The following LCOR variants were observed in gnomAD, a reference collection of about 807,000 sequenced individuals.
LCOR encodes ligand-dependent corepressor.
Under a neutral mutation model 64.4 loss-of-function variants are expected in LCOR, and 14 were observed. The ratio of observed to expected loss-of-function variants is 0.22; its 90% CI spans 0.14 to 0.34. The LOEUF is 0.34. LCOR is among the 10% of genes least tolerant of loss of function. The pLI, the probability that LCOR is intolerant of heterozygous loss-of-function variation, is 1.00. For synonymous variants in LCOR, 643 were observed against 642.5 expected, an observed-to-expected ratio of 1.00 and a Z score of -0.01; for missense variants, 1,686 against 1,765.3, an observed-to-expected ratio of 0.96 and a Z score of 0.80.
Position 96,989,441 on chromosome 10 carries a change from GA to G in LCOR, c.*4310del, listed in dbSNP as rs1272975382. On this transcript the variant is annotated 3_prime_UTR_variant, in exon 8 of 8. Coordinates refer to ENST00000421806, the MANE Select transcript of LCOR (RefSeq NM_001346516.2). ...ATGGAAAATGTTTTTTCACAGAGTA[GA>G]AACAAAGTCTGATCACAATCCCAAA... 6.6e-6 allele frequency: 1 copy of G among 151,982 alleles called. No homozygotes were observed. The highest frequency in any genetic ancestry group is 2.4e-5 in the African/African-American group (1 of 41,374). The allele number at this position is 151,982 out of a possible 1,614,324, so 9.4% of individuals were successfully genotyped here.
At chr10:96,875,169 G>T (rs1476443906) in intron 2 of LCOR, among the ~76,000 whole-genome samples, 1 of 151,756 alleles carries the variant, frequency 6.6e-6, no homozygotes, top group Non-Finnish European at 1.5e-5. Context: ...CAGACCACAA[G>T]GTTAGGAGAT....
chr10:96,906,113 T>G (rs986218087), intron 2 of LCOR, among the ~76,000 whole-genome samples: 1 of 152,190 alleles, frequency 6.6e-6, no homozygotes, highest in African/African-American at 2.4e-5. Flanking sequence ...AAGGGGTACC[T>G]TATCTTTTAA....
chr10:96,937,938 C>CTATT lies in LCOR; in HGVS notation c.-183-6158_-183-6155dup, dbSNP rs151244821. Reference sequence around the variant, plus strand: ...TCCCAGGAGTGCAAAGTTGGTTTAACTATTTATTTATTTATTTATTATTTG... The same window carrying CTATT: ...TCCCAGGAGTGCAAAGTTGGTTTAACTATTTATTTATTTATTTATTTATTATTTG... On this transcript the variant is annotated intron_variant, in intron 4 of 7. Coordinates refer to ENST00000421806, the MANE Select transcript of LCOR (RefSeq NM_001346516.2). 6.1e-4 allele frequency among the ~76,000 whole-genome samples: 93 copies of CTATT among 152,204 alleles called. 1 individual carries two copies. Among genetic ancestry groups the CTATT allele is most frequent in the South Asian group, 1.7e-3 (8 of 4,822 alleles).
intron 2 of LCOR, among the ~76,000 whole-genome samples, chr10:96,844,121 C>G (rs1237130120): frequency 5.6e-5 from 6 of 107,296 alleles, no homozygotes; most frequent in Non-Finnish European, 9.1e-5. Flanking sequence ...TCCCCCCTCC[C>G]TCCCTTCCTT....
chr10:96,838,256 A>G (rs1845480010), intron 2 of LCOR, among the ~76,000 whole-genome samples: 1 of 152,190 alleles, frequency 6.6e-6, no homozygotes, highest in Non-Finnish European at 1.5e-5. Context: ...AAGGTTGTAC[A>G]TATATCATCA....
chr10:96,851,751 C>T lies in LCOR; in HGVS notation c.-330+18272C>T, dbSNP rs74153736. Reference sequence around the variant, plus strand: ...TTCTTTTCACCCCCCAAAATAAATACAGTGTTCAGTAATTTTTCAGTGAGA... The same window carrying T: ...TTCTTTTCACCCCCCAAAATAAATATAGTGTTCAGTAATTTTTCAGTGAGA... On this transcript the variant is annotated intron_variant, in intron 2 of 7. Transcript: ENST00000421806. Among the ~76,000 whole-genome samples the T allele has an allele frequency of 1.0e-2, 1,516 of 152,256 alleles. 22 individuals are homozygous for T. Among genetic ancestry groups the T allele is most frequent in the African/African-American group, 0.031 (1,299 of 41,534 alleles).
At chr10:96,842,700 G>C (rs138535616) in intron 2 of LCOR, among the ~76,000 whole-genome samples, 51 of 144,884 alleles carry the variant, frequency 3.5e-4, no homozygotes, top group African/African-American at 1.3e-3. Flanking sequence ...GTGTGATCTC[G>C]GCTCACTGCA....
intron 4 of LCOR, among the ~76,000 whole-genome samples, chr10:96,917,239 A>G (rs1311585689): frequency 1.3e-5 from 2 of 152,226 alleles, no homozygotes; most frequent in Non-Finnish European, 2.9e-5. Flanking sequence ...TAGACTAATC[A>G]TTTGGCAGGT....
chr10:96,917,639 G>A (rs1846977498), intron 4 of LCOR, among the ~76,000 whole-genome samples: 2 of 152,154 alleles, frequency 1.3e-5, no homozygotes, highest in Non-Finnish European at 2.9e-5. Flanking sequence ...ATTGTTTTTA[G>A]GATGTAGTAC....
Position 96,853,677 on chromosome 10 carries a change from G to A in LCOR, c.-330+20198G>A, listed in dbSNP as rs145120566. Reference sequence around the variant, plus strand: ...CTGGGGCAACTAGTCTCTGTTCTACGTTTCTCACCTTCAGCAGGATAGCTT... The same window carrying A: ...CTGGGGCAACTAGTCTCTGTTCTACATTTCTCACCTTCAGCAGGATAGCTT... On this transcript the variant is annotated intron_variant, in intron 2 of 7. Coordinates refer to ENST00000421806, the MANE Select transcript of LCOR (RefSeq NM_001346516.2). Among the ~76,000 whole-genome samples the A allele has an allele frequency of 5.0e-3, 763 of 152,272 alleles. 10 individuals carry two copies. The highest frequency in any genetic ancestry group is 0.017 in the African/African-American group (726 of 41,552).
At chr10:96,898,607 GATGAA>G (rs1168866754) in intron 2 of LCOR, among the ~76,000 whole-genome samples, 1 of 152,208 alleles carries the variant, frequency 6.6e-6, no homozygotes, top group Admixed American at 6.5e-5. Context: ...TAGGTGGTGT[GATGAA>G]ATGAAAAGAG....
intron 4 of LCOR, among the ~76,000 whole-genome samples, chr10:96,938,782 G>A (rs993555325): frequency 6.6e-6 from 1 of 152,108 alleles, no homozygotes; most frequent in Non-Finnish European, 1.5e-5. Context: ...TCTGTTTACA[G>A]TAGCATCAAA....
intron 4 of LCOR, among the ~76,000 whole-genome samples, chr10:96,925,611 A>C (rs1286152450): frequency 6.6e-6 from 1 of 151,858 alleles, no homozygotes; most frequent in Non-Finnish European, 1.5e-5. Context: ...ATTTTATTTT[A>C]TTTTTGTGTG....
rs777239969 is a variant in LCOR, at chr10:96,946,521, G to T, written c.-51+2276G>T. 1.2e-4 allele frequency among the ~76,000 whole-genome samples: 19 copies of T among 152,148 alleles called. 1 individual carries two copies. In the South Asian group the frequency reaches 3.9e-3, roughly 32 times the overall value. ...ATTTGCATTTTAAGATACACAGGTG[G>T]CTGTGATGTAACATGTTTTTCTGCA... On this transcript the variant is annotated intron_variant, in intron 5 of 7. Coordinates refer to ENST00000421806, the MANE Select transcript of LCOR (RefSeq NM_001346516.2).
chr10:96,893,938 G>T (rs550133976), intron 2 of LCOR, among the ~76,000 whole-genome samples: 1 of 152,064 alleles, frequency 6.6e-6, no homozygotes, highest in African/African-American at 2.4e-5. Flanking sequence ...AATTCAGTTG[G>T]ATACATAAAA....
At chr10:96,855,552 A>G (rs1361007928) in intron 2 of LCOR, among the ~76,000 whole-genome samples, 1 of 151,876 alleles carries the variant, frequency 6.6e-6, no homozygotes, top group Non-Finnish European at 1.5e-5. Context: ...CTCCTGCCTC[A>G]GCCTCCCTAG....
intron 4 of LCOR, among the ~76,000 whole-genome samples, chr10:96,924,128 C>A (rs1847126848): frequency 6.6e-6 from 1 of 152,080 alleles, no homozygotes; most frequent in Non-Finnish European, 1.5e-5. Context: ...GGCAGGACGG[C>A]TGGGATTATG....
At chr10:96,956,932 A>G (rs1405404829) in intron 7 of LCOR, 4 of 985,128 alleles carry the variant, frequency 4.1e-6, no homozygotes, top group African/African-American at 1.7e-5. Flanking sequence ...AGAAATGTGT[A>G]TAAGTAATTA....
intron 7 of LCOR, among the ~76,000 whole-genome samples, chr10:96,965,157 C>T (rs531899764): frequency 2.6e-5 from 4 of 151,428 alleles, no homozygotes; most frequent in South Asian, 2.1e-4. Flanking sequence ...TACAGTCGCC[C>T]GCCACCACGC....
Sources: allele counts gnomAD v4.1 joint callset (sites outside exome capture counted in the v4.1 genomes callset), GRCh38; gene constraint gnomAD v4.1.1; transcripts MANE v1.5; gene names NCBI Gene and HGNC (gene_info 2026-07-23, HGNC 2026-07-21).